ACSM1: variants seen among roughly 807,000 people sequenced by gnomAD.
ACSM1 encodes acyl-CoA synthetase medium chain family member 1.
In ACSM1, 79 loss-of-function variants were observed where a neutral mutation model predicts 75.8. That is an observed-to-expected ratio of 1.04 (90% CI 0.87 to 1.26). ACSM1 has a LOEUF of 1.26. Ranked by LOEUF, ACSM1 falls within the 50% of genes most tolerant of loss-of-function variation. ACSM1 has a pLI of 0.00. For missense variants in ACSM1, 676 were observed against 720.1 expected, an observed-to-expected ratio of 0.94 and a Z score of 0.70; for synonymous variants, 279 against 265.8, an observed-to-expected ratio of 1.05 and a Z score of -0.48.
At position 20,669,863 on chromosome 16, in the gene ACSM1, G is replaced by A; in HGVS notation, c.876C>T (p.His292=). ...PWTAGCTVFI[H]HLPQFDTKVI... The stretch of plus-strand genomic sequence containing the variant: ...CCTTGGTGTCAAACTGTGGCAGATG[G>A]TGGATAAAGACTGTACAACCCGCTG... Residue 292 remains histidine, a synonymous_variant, in exon 6 of 14, where the codon CAC becomes CAT. Coordinates refer to ENST00000520010, the MANE Select transcript of ACSM1 (RefSeq NM_001318890.3). 1 of 1,613,998 alleles carries A rather than the reference G, an allele frequency of 6.2e-7. No individual in the cohort carries two copies. The highest frequency in any genetic ancestry group is 8.5e-7 in the Non-Finnish European group (1 of 1,179,898).
Position 20,682,466 on chromosome 16 carries a change from G to T in ACSM1, c.404-3C>A. ...GGTCGCAGGAATGAAGATGATCCCT[G>T]GGGATGAGAAAGGAACTGATTGTTT... is the stretch of plus-strand genomic sequence containing the variant. On this transcript the variant is annotated splice_polypyrimidine_tract_variant and splice_region_variant and intron_variant, in intron 3 of 13. Transcript: ENST00000520010. The T allele has an allele frequency of 6.2e-7, 1 of 1,612,092 alleles. No homozygotes were observed. The highest frequency in any genetic ancestry group is 8.5e-7 in the Non-Finnish European group (1 of 1,178,660).
chr16:20,682,100 C>G, intron 4 of ACSM1, 156 bp downstream of exon 4: 1 of 687,368 alleles, frequency 1.5e-6, no homozygotes, highest in Non-Finnish European at 2.4e-6. Flanking sequence ...TAACCTGACT[C>G]TTTGTTCAGG....
chr16:20,641,721 C>T (rs1437797747), intron 7 of ACSM1, among the ~76,000 whole-genome samples: 3 of 152,192 alleles, frequency 2.0e-5, no homozygotes, highest in Non-Finnish European at 4.4e-5. Flanking sequence ...TTTGGCTCTG[C>T]CAGACTTCAT....
chr16:20,657,283 T>G (rs952566757), intron 7 of ACSM1, among the ~76,000 whole-genome samples: 6 of 151,956 alleles, frequency 3.9e-5, no homozygotes, highest in African/African-American at 7.3e-5. Flanking sequence ...TTTGTTTTTT[T>G]GGGTTTGTTT....
chr16:20,679,530 G>A lies in ACSM1; in HGVS notation c.611+2726C>T, dbSNP rs185992530. ...TACTGCAAATGCTGCAAATGTCCAT[G>A]CCCAGAGGAAGGTTTGCCATTCCTA... is the stretch of plus-strand genomic sequence containing the variant. On this transcript the variant is annotated intron_variant, in intron 4 of 13. Coordinates refer to ENST00000520010, the MANE Select transcript of ACSM1 (RefSeq NM_001318890.3). 4 of 152,306 alleles carry A rather than the reference G, an allele frequency of 2.6e-5. No homozygotes were observed. The East Asian group carries it at 7.7e-4, about 29-fold the overall frequency. 9.4% of individuals were successfully genotyped at this position (152,306 alleles called of 1,614,324 possible). A position where few individuals can be genotyped will look rare whatever the true frequency, so the allele number is the denominator to read the frequency against.
At chr16:20,662,549 A>C (rs1841509498) in intron 6 of ACSM1, among the ~76,000 whole-genome samples, 1 of 152,178 alleles carries the variant, frequency 6.6e-6, no homozygotes, top group Admixed American at 6.5e-5. Flanking sequence ...AAGAGAGTGA[A>C]GAACAGTAAA....
chr16:20,640,791 G>A (rs957575024), intron 7 of ACSM1, among the ~76,000 whole-genome samples: 3 of 152,238 alleles, frequency 2.0e-5, no homozygotes, highest in Non-Finnish European at 4.4e-5. Flanking sequence ...CGGTGGATGG[G>A]TGGTGGTGAG....
chr16:20,627,316 C>A lies in ACSM1; in HGVS notation c.1300G>T (p.Gly434Cys). ...RPVSLFMCYE[G>C]DPEKTAKVEC... ...ACTTTAGCTGTCTTCTCTGGGTCAC[C>A]CTGCAAAAAGAAGAGAGCTCCTTTG... The change falls in exon 11 of 14, where the codon GGT becomes TGT. Residue 434 changes from glycine to cysteine, a missense_variant and splice_region_variant. Physicochemically the swap from Gly to Cys is radical, Grantham distance 159. Coordinates refer to ENST00000520010, the MANE Select transcript of ACSM1 (RefSeq NM_001318890.3). 2 of 1,564,812 alleles carry A rather than the reference C, an allele frequency of 1.3e-6. No homozygotes were observed. The highest frequency in any genetic ancestry group is 8.6e-7 in the Non-Finnish European group (1 of 1,160,796).
At chr16:20,687,256 C>A (rs1337520389) in intron 2 of ACSM1, among the ~76,000 whole-genome samples, 1 of 151,940 alleles carries the variant, frequency 6.6e-6, no homozygotes, top group South Asian at 2.1e-4. Flanking sequence ...AAACATCAGA[C>A]CTGCAGGCAC....
At chr16:20,690,653 C>A (rs967332902) in intron 2 of ACSM1, among the ~76,000 whole-genome samples, 1 of 152,224 alleles carries the variant, frequency 6.6e-6, no homozygotes, top group African/African-American at 2.4e-5. Flanking sequence ...TTGTCCCATT[C>A]ACTGAAGATG....
chr16:20,625,291 G>T, intron 12 of ACSM1, 132 bp downstream of exon 12: 2 of 806,030 alleles, frequency 2.5e-6, no homozygotes, highest in Non-Finnish European at 2.0e-6. Context: ...GTCCCCTGGT[G>T]CCATACCGTG....
In ACSM1 at chr16:20,648,408, A is replaced by G. The variant is rs1309833526; in HGVS notation, c.993-7824T>C. ...TAGCCTCAGGATGGTAATGTAAACC[A>G]AAAATGAAATTTTAAGCAGCCCCAG... On this transcript the variant is annotated intron_variant, in intron 7 of 13. Coordinates refer to ENST00000520010, the MANE Select transcript of ACSM1 (RefSeq NM_001318890.3). This position sits in a 1 kb window ranked among gnomAD's most constrained non-coding sequence, Gnocchi z 4.2. 6.6e-6 allele frequency among the ~76,000 whole-genome samples: 1 copy of G among 152,172 alleles called. No individual in the cohort carries two copies.
At chr16:20,672,244 G>A (rs895541349) in intron 4 of ACSM1, among the ~76,000 whole-genome samples, 1 of 150,624 alleles carries the variant, frequency 6.6e-6, no homozygotes, top group Non-Finnish European at 1.5e-5. Flanking sequence ...TGTGACCTTG[G>A]TGATGAGGGG....
chr16:20,657,118 T>C (rs1478272443), intron 7 of ACSM1, among the ~76,000 whole-genome samples: 1 of 152,156 alleles, frequency 6.6e-6, no homozygotes, highest in Non-Finnish European at 1.5e-5. Flanking sequence ...TCTATACATA[T>C]ATACATATTT....
At chr16:20,666,660 A>T (rs1030800459) in intron 6 of ACSM1, among the ~76,000 whole-genome samples, 2 of 151,886 alleles carry the variant, frequency 1.3e-5, no homozygotes, top group African/African-American at 4.8e-5. Context: ...AAGGGCTTGA[A>T]TACTGAAAAG....
chr16:20,660,723 G>A (rs189641553), intron 7 of ACSM1, among the ~76,000 whole-genome samples: 42 of 152,290 alleles, frequency 2.8e-4, no homozygotes, highest in Non-Finnish European at 5.0e-4. Context: ...TAACTTTTAT[G>A]TCTAAAACAT....
chr16:20,687,860 G>C (rs973947415), intron 2 of ACSM1, among the ~76,000 whole-genome samples: 4 of 152,102 alleles, frequency 2.6e-5, no homozygotes, highest in African/African-American at 9.7e-5. Flanking sequence ...GAGGCTACCG[G>C]ATCACTTGAG....
chr16:20,671,491 C>A, intron 5 of ACSM1, 40 bp downstream of exon 5: 1 of 1,563,474 alleles, frequency 6.4e-7, no homozygotes. Context: ...ACTTTGCCCA[C>A]ATCTGGGTCC....
chr16:20,673,933 G>A (rs2020111830), intron 4 of ACSM1: 1 of 284,086 alleles, frequency 3.5e-6, no homozygotes, highest in Non-Finnish European at 7.2e-6. Context: ...GCTGAAAAAT[G>A]TGAAATTTTA....
Sources: allele counts gnomAD v4.1 joint callset (sites outside exome capture counted in the v4.1 genomes callset), GRCh38; gene constraint gnomAD v4.1.1; non-coding constraint Gnocchi (gnomAD v3.1); transcripts MANE v1.5; gene names NCBI Gene and HGNC (gene_info 2026-07-23, HGNC 2026-07-21).